GPR158: variants seen among roughly 807,000 people sequenced by gnomAD.
GPR158 encodes G protein-coupled receptor 158.
A neutral mutation model predicts 78.2 loss-of-function variants in GPR158; 30 were observed. That is an observed-to-expected ratio of 0.38 (90% CI 0.29 to 0.52). GPR158 has a LOEUF of 0.52. GPR158 is among the 20% of genes least tolerant of loss of function. The pLI, the probability that GPR158 is intolerant of heterozygous loss-of-function variation, is 0.83. For synonymous variants in GPR158, 581 were observed against 591.1 expected (o/e 0.98, Z 0.25); for missense variants, 1,463 against 1,523.5 (o/e 0.96, Z 0.66).
At chr10:25,423,303 A>G (rs557772491) in intron 4 of GPR158, among the ~76,000 whole-genome samples, 11 of 151,892 alleles carry the variant, frequency 7.2e-5, no homozygotes, top group African/African-American at 2.7e-4. Context: ...GCATATGCAG[A>G]TATCTTTTTA....
chr10:25,554,642 C>T (rs1357266922), intron 6 of GPR158, among the ~76,000 whole-genome samples: 1 of 152,116 alleles, frequency 6.6e-6, no homozygotes, highest in Non-Finnish European at 1.5e-5. Flanking sequence ...ATGATGGTCT[C>T]TCCCCACATT....
At chr10:25,365,644 C>T (rs1855710370) in intron 2 of GPR158, among the ~76,000 whole-genome samples, 3 of 151,450 alleles carry the variant, frequency 2.0e-5, no homozygotes, top group Admixed American at 2.0e-4. Flanking sequence ...CTGATTCTAT[C>T]AAATAAGTCA....
rs1722448659 is a variant in GPR158 at position 25,221,306 on chromosome 10, T to C, written c.1008+149T>C. On this transcript the variant is annotated intron_variant, in intron 2 of 10. Coordinates refer to ENST00000376351, the MANE Select transcript of GPR158 (RefSeq NM_020752.3). ...GCTGCCAAATGAACTAAAATAGGAG[T>C]AGAAAATAAAATTTGTATAGAATAA... 14 of 512,806 alleles carry C rather than the reference T, an allele frequency of 2.7e-5. No individual in the cohort carries two copies. In the South Asian group the frequency reaches 4.5e-4, roughly 17 times the overall value. The allele number at this position is 512,806 out of a possible 1,614,324, so 31.8% of individuals were successfully genotyped here.
chr10:25,492,873 AATTG>A (rs1272983462), intron 5 of GPR158, among the ~76,000 whole-genome samples: 1 of 148,418 alleles, frequency 6.7e-6, no homozygotes, highest in Non-Finnish European at 1.5e-5. Context: ...ATTAATATAT[AATTG>A]ATATATAAAC....
intron 2 of GPR158, among the ~76,000 whole-genome samples, chr10:25,335,489 A>G (rs1320829852): frequency 1.3e-5 from 2 of 152,070 alleles, no homozygotes; most frequent in East Asian, 3.9e-4. Flanking sequence ...CCATGGCTTT[A>G]GTGTATGAAA....
At chr10:25,484,631 C>T (rs1010781919) in intron 5 of GPR158, among the ~76,000 whole-genome samples, 1 of 152,176 alleles carries the variant, frequency 6.6e-6, no homozygotes, top group African/African-American at 2.4e-5. Flanking sequence ...GCAGCAATGT[C>T]ATAGCTGGAG....
In GPR158 at chr10:25,404,633, T is replaced by C. The variant is rs75453660; in HGVS notation, c.1112-7617T>C. ...CTTTTTCTATGTCCTGCATTCATGATTGTATTTTATGGCCCAGTATTTTGA... is the reference window on the plus strand; with the variant it reads ...CTTTTTCTATGTCCTGCATTCATGACTGTATTTTATGGCCCAGTATTTTGA... On this transcript the variant is annotated intron_variant, in intron 3 of 10. Coordinates refer to ENST00000376351, the MANE Select transcript of GPR158 (RefSeq NM_020752.3). Among the ~76,000 whole-genome samples the C allele has an allele frequency of 6.0e-4, 92 of 152,214 alleles. 1 individual carries two copies. Among genetic ancestry groups the C allele is most frequent in the African/African-American group, 1.4e-3 (60 of 41,554 alleles).
chr10:25,279,063 T>TA (rs764579679), intron 2 of GPR158, among the ~76,000 whole-genome samples: 1 of 151,676 alleles, frequency 6.6e-6, no homozygotes, highest in Non-Finnish European at 1.5e-5. Flanking sequence ...TCCTAAGATA[T>TA]AAAAAAAATA....
At chr10:25,396,568 G>T (rs1834365207) in intron 3 of GPR158, among the ~76,000 whole-genome samples, 1 of 152,056 alleles carries the variant, frequency 6.6e-6, no homozygotes, top group South Asian at 2.1e-4. Context: ...GGTGGCTGAG[G>T]TGGGAGGATC....
intron 2 of GPR158, among the ~76,000 whole-genome samples, chr10:25,256,836 A>T (rs775622137): frequency 2.0e-5 from 3 of 152,218 alleles, no homozygotes; most frequent in Non-Finnish European, 4.4e-5. Context: ...AATATATTAC[A>T]GTTATAAAAT....
rs199803890 is a variant in GPR158 at position 25,278,697 on chromosome 10, GACTT to G, written c.1008+57544_1008+57547del. On this transcript the variant is annotated intron_variant, in intron 2 of 10. Transcript: ENST00000376351. ...AAAATATGTACAAAGGAGTAACAGAGACTTACTATCTTCAAAGTGCTGACAAAAT... is the reference window on the plus strand; with the variant it reads ...AAAATATGTACAAAGGAGTAACAGAGACTATCTTCAAAGTGCTGACAAAAT... 2.6e-3 allele frequency among the ~76,000 whole-genome samples: 400 copies of G among 151,590 alleles called. 6 individuals carry two copies. The East Asian group carries it at 0.05, about 19-fold the overall frequency.
At chr10:25,543,167 C>T (rs1415595635) in intron 5 of GPR158, among the ~76,000 whole-genome samples, 1 of 152,228 alleles carries the variant, frequency 6.6e-6, no homozygotes, top group East Asian at 1.9e-4. Context: ...GTCACCCAGG[C>T]TGGAGTGCAG....
intron 2 of GPR158, among the ~76,000 whole-genome samples, chr10:25,254,262 C>A (rs1449153972): frequency 6.6e-6 from 1 of 152,042 alleles, no homozygotes; most frequent in Non-Finnish European, 1.5e-5. Context: ...CATGGAGATA[C>A]CTTGATAAAA....
At position 25,598,527 on chromosome 10, in the gene GPR158, A is replaced by G. The variant is rs1156818517; in HGVS notation, c.2901A>G (p.Pro967=). Residue 967 remains proline (P), a synonymous_variant, in exon 11 of 11, where the codon CCA becomes CCG. Transcript: ENST00000376351. Reference sequence around the variant, plus strand: ...AAAACTCAAATCCTGCGGAGGAGCCAAGAAAGCCTCAGAAATCTGGGATTA... The same window carrying G: ...AAAACTCAAATCCTGCGGAGGAGCCGAGAAAGCCTCAGAAATCTGGGATTA... ...APQNSNPAEE[P]RKPQKSGIMK... is the part of the protein sequence containing the mutation. 6.2e-7 allele frequency: 1 copy of G among 1,613,962 alleles called. No homozygotes were observed. The highest frequency in any genetic ancestry group is 1.3e-5 in the African/African-American group (1 of 74,908).
At chr10:25,433,585 G>T (rs183458092) in intron 4 of GPR158, among the ~76,000 whole-genome samples, 1 of 147,824 alleles carries the variant, frequency 6.8e-6, no homozygotes, top group Admixed American at 6.7e-5. Flanking sequence ...GCGCGCGTGC[G>T]CGTGCGCATA....
At chr10:25,205,646 T>C (rs1853015481) in intron 1 of GPR158, among the ~76,000 whole-genome samples, 1 of 152,094 alleles carries the variant, frequency 6.6e-6, no homozygotes, top group South Asian at 2.1e-4. Flanking sequence ...TTTTAAAGAA[T>C]TTCTTGATGT....
In GPR158 at chr10:25,213,196, C is replaced by A. The variant is rs1853159198; in HGVS notation, c.903-7856C>A. 2.0e-5 allele frequency among the ~76,000 whole-genome samples: 3 copies of A among 151,934 alleles called. No homozygotes were observed. In the South Asian group the frequency reaches 6.2e-4, roughly 32 times the overall value. Reference sequence around the variant, plus strand: ...TACAGAATTAGTCAAGAATTCAGTACTATGTTACATAGCATCAGTGATACA... The same window carrying A: ...TACAGAATTAGTCAAGAATTCAGTAATATGTTACATAGCATCAGTGATACA... On this transcript the variant is annotated intron_variant, in intron 1 of 10. Transcript: ENST00000376351.
chr10:25,259,501 T>G (rs969440115), intron 2 of GPR158, among the ~76,000 whole-genome samples: 5 of 152,190 alleles, frequency 3.3e-5, no homozygotes, highest in African/African-American at 9.6e-5. Context: ...TTCTAAGTAC[T>G]ATAGCTTTAT....
At chr10:25,414,563 C>T in intron 4 of GPR158, among the ~76,000 whole-genome samples, 1 of 152,088 alleles carries the variant, frequency 6.6e-6, no homozygotes, top group East Asian at 1.9e-4. Flanking sequence ...GTGCAATTTT[C>T]TGCTGTGATT....
Sources: allele counts gnomAD v4.1 joint callset (sites outside exome capture counted in the v4.1 genomes callset), GRCh38; gene constraint gnomAD v4.1.1; transcripts MANE v1.5; gene names NCBI Gene and HGNC (gene_info 2026-07-23, HGNC 2026-07-21).